The following COLQ variants were observed in gnomAD, a reference collection of about 807,000 sequenced individuals.
COLQ encodes acetylcholinesterase collagenic tail peptide.
Under a neutral mutation model 69.0 loss-of-function variants are expected in COLQ, and 48 were observed. That is an observed-to-expected ratio of 0.70 (90% CI 0.55 to 0.88). The LOEUF (loss-of-function observed/expected upper bound fraction) is 0.88, where lower values mean the gene tolerates loss of function less well. COLQ is among the 40% of genes least tolerant of loss of function. The pLI is 0.00. For missense variants in COLQ, 618 were observed against 594.6 expected (o/e 1.04, Z -0.41); for synonymous variants, 217 against 211.2 (o/e 1.03, Z -0.24).
At chr3:15,496,382 G>T in intron 1 of COLQ, 1 of 156,184 alleles carries the variant, frequency 6.4e-6, no homozygotes, top group South Asian at 2.0e-4. Context: ...TTTGGGAGCA[G>T]CTTCCCCCTC....
intron 7 of COLQ, 58 bp downstream of exon 7, chr3:15,475,367 G>C: frequency 6.7e-7 from 1 of 1,488,174 alleles, no homozygotes; most frequent in Non-Finnish European, 9.2e-7. Flanking sequence ...TTTGTAGACA[G>C]CAGCTGCTCC....
chr3:15,479,370 G>T lies in COLQ; in HGVS notation c.334C>A (p.Leu112Ile). ...GPPGPQGPPG[L>I]PGKTGPKGEK... ...CCCTTTGGTCCTGTCTTGCCAGGAA[G>T]CCCCGGTGGACCCTAATCAATCAAG... Residue 112 changes from leucine (L) to isoleucine (I), a missense_variant, in exon 4 of 17, where the codon CTT becomes ATT. Leu to Ile is a conservative substitution (Grantham distance 5). Coordinates refer to ENST00000383788, the MANE Select transcript of COLQ (RefSeq NM_005677.4). 6.2e-7 allele frequency: 1 copy of T among 1,614,134 alleles called. No individual in the cohort carries two copies. The highest frequency in any genetic ancestry group is 8.5e-7 in the Non-Finnish European group (1 of 1,179,958).
At chr3:15,505,022 T>A (rs2062887750) in intron 1 of COLQ, among the ~76,000 whole-genome samples, 1 of 152,262 alleles carries the variant, frequency 6.6e-6, no homozygotes, top group Non-Finnish European at 1.5e-5. Context: ...TCTGAATGTT[T>A]GAAATTATTC....
chr3:15,469,362 T>C (rs1040350868), intron 11 of COLQ, among the ~76,000 whole-genome samples: 20 of 152,152 alleles, frequency 1.3e-4, no homozygotes, highest in Non-Finnish European at 2.4e-4. Flanking sequence ...ATGGAAATCA[T>C]TAGGAGGGGA....
At chr3:15,520,221 C>G (rs1163785236) in intron 1 of COLQ, among the ~76,000 whole-genome samples, 3 of 152,254 alleles carry the variant, frequency 2.0e-5, no homozygotes, top group Non-Finnish European at 4.4e-5. Flanking sequence ...ATGCTCTTAA[C>G]TTGAATTTGC....
chr3:15,506,279 A>G (rs2062909787), intron 1 of COLQ, among the ~76,000 whole-genome samples: 1 of 152,236 alleles, frequency 6.6e-6, no homozygotes, highest in Non-Finnish European at 1.5e-5. Context: ...TTTAAAGACA[A>G]AAAATTCCAT....
rs890943851 is a variant in COLQ at position 15,461,878 on chromosome 3, T to C, written c.815-3553A>G. On this transcript the variant is annotated intron_variant, in intron 12 of 16. Coordinates refer to ENST00000383788, the MANE Select transcript of COLQ (RefSeq NM_005677.4). ...TTGGATGTAGGTATATACAGTTTTT[T>C]CCCCCCCGAGAATGGGTTTGGGACT... Among the ~76,000 whole-genome samples, 43 of 151,170 alleles carry C rather than the reference T, an allele frequency of 2.8e-4. 1 individual carries two copies. Among genetic ancestry groups the C allele is most frequent in the Admixed American group, 1.8e-3 (27 of 15,172 alleles).
chr3:15,458,056 C>T, intron 13 of COLQ, 130 bp downstream of exon 13: 2 of 965,124 alleles, frequency 2.1e-6, no homozygotes, highest in Non-Finnish European at 3.3e-6. Flanking sequence ...TTCCAATTTC[C>T]TATAATGAGG....
At chr3:15,470,376 C>A (rs976620675) in intron 11 of COLQ, among the ~76,000 whole-genome samples, 160 bp downstream of exon 11, 1 of 152,192 alleles carries the variant, frequency 6.6e-6, no homozygotes, top group Non-Finnish European at 1.5e-5. Flanking sequence ...GAGATGCCAG[C>A]AGCTTCTGGA....
At chr3:15,468,490 C>T (rs1370687571) in intron 11 of COLQ, among the ~76,000 whole-genome samples, 1 of 151,920 alleles carries the variant, frequency 6.6e-6, no homozygotes, top group African/African-American at 2.4e-5. Flanking sequence ...GCCACCATGC[C>T]CAGCTAATTT....
chr3:15,453,802 A>G, intron 16 of COLQ, 27 bp downstream of exon 16: 1 of 1,395,672 alleles, frequency 7.2e-7, no homozygotes, highest in Non-Finnish European at 1.0e-6. Flanking sequence ...AAGAAGGGGG[A>G]GAGGGAGGGA....
chr3:15,488,164 T>G (rs1264189712), intron 3 of COLQ, 42 bp downstream of exon 3: 1 of 1,454,374 alleles, frequency 6.9e-7, no homozygotes, highest in East Asian at 2.3e-5. Flanking sequence ...TTTCCTGCTC[T>G]AAACAGAAGA....
chr3:15,491,424 G>C (rs906839525), intron 1 of COLQ, among the ~76,000 whole-genome samples: 1 of 152,116 alleles, frequency 6.6e-6, no homozygotes, highest in Non-Finnish European at 1.5e-5. Context: ...TATCTCCCAG[G>C]GGCCAGCATC....
At chr3:15,463,606 A>C (rs2062155183) in intron 12 of COLQ, among the ~76,000 whole-genome samples, 1 of 151,852 alleles carries the variant, frequency 6.6e-6, no homozygotes, top group African/African-American at 2.4e-5. Context: ...TCGGCCTTCC[A>C]AAGTGCTGGG....
At chr3:15,471,344 C>T (rs1559518114) in intron 10 of COLQ, among the ~76,000 whole-genome samples, 1 of 152,190 alleles carries the variant, frequency 6.6e-6, no homozygotes, top group African/African-American at 2.4e-5. Flanking sequence ...CCCAATGTAC[C>T]CATTGCAGAA....
Position 15,474,910 on chromosome 3 carries a change from A to C in COLQ, c.555+15T>G, listed in dbSNP as rs764548398. On this transcript the variant is annotated intron_variant, in intron 8 of 16. Coordinates refer to ENST00000383788, the MANE Select transcript of COLQ (RefSeq NM_005677.4). ...CAGACCAGGCTCTAGGACACCATCC[A>C]AGAAAAGCACTAACCTTTTCCCCTC... 1 of 1,614,046 alleles carries C rather than the reference A, an allele frequency of 6.2e-7. No individual in the cohort carries two copies. Among genetic ancestry groups the C allele is most frequent in the Non-Finnish European group, 8.5e-7 (1 of 1,179,912 alleles).
chr3:15,516,686 G>T (rs1450528427), intron 1 of COLQ, among the ~76,000 whole-genome samples: 2 of 152,182 alleles, frequency 1.3e-5, no homozygotes, highest in East Asian at 3.8e-4. Flanking sequence ...TTTCACTAGA[G>T]TATTGTTTAG....
intron 2 of COLQ, 66 bp downstream of exon 2, chr3:15,489,459 G>T: frequency 6.9e-7 from 1 of 1,444,132 alleles, no homozygotes; most frequent in East Asian, 2.3e-5. Flanking sequence ...GCAGGCAGGT[G>T]GGGCTGCGTG....
At chr3:15,456,113 G>T in intron 14 of COLQ, 94 bp from the exon 15 acceptor site, 3 of 1,430,774 alleles carry the variant, frequency 2.1e-6, no homozygotes, top group Non-Finnish European at 2.9e-6. Flanking sequence ...AGGCACTGCT[G>T]GGGGGCATGC....
Sources: allele counts gnomAD v4.1 joint callset (sites outside exome capture counted in the v4.1 genomes callset), GRCh38; gene constraint gnomAD v4.1.1; transcripts MANE v1.5; gene names NCBI Gene and HGNC (gene_info 2026-07-23, HGNC 2026-07-21).